MAP4K5: variants seen among roughly 807,000 people sequenced by gnomAD.
The protein encoded by MAP4K5 is mitogen-activated protein kinase kinase kinase kinase 5.
MAP4K5 carries 82 observed loss-of-function variants against 135.6 expected under a neutral mutation model. The ratio of observed to expected loss-of-function variants is 0.60; its 90% CI spans 0.51 to 0.73. MAP4K5 has a LOEUF of 0.73. Among genes scored for constraint, MAP4K5 ranks in the 30% least tolerant of loss-of-function variants. The pLI is 0.00. For synonymous variants in MAP4K5, 347 were observed against 335.0 expected (o/e 1.04, Z -0.39); for missense variants, 907 against 1,010.9 (o/e 0.90, Z 1.39).
chr14:50,437,634 A>T (rs1350093207), intron 25 of MAP4K5, 100 bp from the exon 26 acceptor site: 4 of 830,300 alleles, frequency 4.8e-6, no homozygotes, highest in Non-Finnish European at 7.5e-6. Flanking sequence ...GGAGCTTAAA[A>T]AACTGTCTTG....
chr14:50,441,176 T>C (rs1192089588), intron 21 of MAP4K5, among the ~76,000 whole-genome samples: 1 of 152,194 alleles, frequency 6.6e-6, no homozygotes, highest in African/African-American at 2.4e-5. Flanking sequence ...AGATTGTCAA[T>C]GGATGCTAAA....
intron 1 of MAP4K5, among the ~76,000 whole-genome samples, chr14:50,556,186 A>G (rs1471241419): frequency 6.6e-6 from 1 of 152,188 alleles, no homozygotes; most frequent in Non-Finnish European, 1.5e-5. Context: ...TTCACATACC[A>G]TAAAATTCAC....
intron 13 of MAP4K5, among the ~76,000 whole-genome samples, chr14:50,457,399 A>G (rs2036615282): frequency 6.6e-6 from 1 of 152,202 alleles, no homozygotes; most frequent in Non-Finnish European, 1.5e-5. Flanking sequence ...AAGCCAAGTG[A>G]GAAGCATAAT....
rs779699402 is a variant in MAP4K5 at position 50,462,798 on chromosome 14, T to G, written c.820-17A>C. On this transcript the variant is annotated splice_polypyrimidine_tract_variant and intron_variant, in intron 12 of 32. Transcript: ENST00000682126. Reference sequence around the variant, plus strand: ...AAAAGTGTGCTAAAAGACAACAAAATGAAATTTCATGAGTATGCCTTTACA... The same window carrying G: ...AAAAGTGTGCTAAAAGACAACAAAAGGAAATTTCATGAGTATGCCTTTACA... 5.7e-6 allele frequency: 8 copies of G among 1,410,278 alleles called. No individual in the cohort carries two copies. The highest frequency in any genetic ancestry group is 1.7e-5 in the Admixed American group (1 of 58,750). The allele number at this position is 1,410,278 out of a possible 1,614,324, so 87.4% of individuals were successfully genotyped here.
At chr14:50,560,443 G>C in intron 1 of MAP4K5, 1 of 1,140,248 alleles carries the variant, frequency 8.8e-7, no homozygotes, top group Non-Finnish European at 1.3e-6. Context: ...GCCGCTCCCT[G>C]TTTGGGCGGA....
chr14:50,527,367 A>G (rs539431984), intron 2 of MAP4K5, among the ~76,000 whole-genome samples: 8 of 151,578 alleles, frequency 5.3e-5, no homozygotes, highest in Admixed American at 4.6e-4. Context: ...GTATGATTAC[A>G]CCACTGCACT....
intron 26 of MAP4K5, 66 bp downstream of exon 26, chr14:50,437,410 T>C: frequency 8.0e-7 from 1 of 1,253,420 alleles, no homozygotes; most frequent in Admixed American, 2.3e-5. Context: ...TCCATACGAC[T>C]CTTCAGATAA....
upstream of MAP4K5, among the ~76,000 whole-genome samples, chr14:50,533,541 G>C (rs2038450595): frequency 6.6e-6 from 1 of 152,136 alleles, no homozygotes; most frequent in African/African-American, 2.4e-5. Context: ...TGCAGTTTCA[G>C]TTCCAGTCTT....
At chr14:50,475,237 T>C in intron 8 of MAP4K5, 88 bp from the exon 9 acceptor site, 2 of 902,218 alleles carry the variant, frequency 2.2e-6, no homozygotes, top group Non-Finnish European at 1.8e-6. Flanking sequence ...GCAGTATTAA[T>C]AATTCAAATA....
intron 26 of MAP4K5, 112 bp from the exon 27 acceptor site, chr14:50,435,177 G>T (rs2036062717): frequency 5.9e-6 from 3 of 508,470 alleles, no homozygotes; most frequent in East Asian, 3.0e-5. Context: ...AAAAGACTGT[G>T]TCTTTTCTTT....
intron 15 of MAP4K5, among the ~76,000 whole-genome samples, chr14:50,448,349 A>G (rs2036405322): frequency 6.6e-6 from 1 of 152,166 alleles, no homozygotes; most frequent in Non-Finnish European, 1.5e-5. Context: ...AGAGGTAACT[A>G]GATAGTAAAT....
intron 32 of MAP4K5, among the ~76,000 whole-genome samples, chr14:50,422,662 T>G (rs2035760235): frequency 6.6e-6 from 1 of 152,182 alleles, no homozygotes; most frequent in South Asian, 2.1e-4. Context: ...GATGACAGTT[T>G]TGCAACTTGT....
At position 50,489,656 on chromosome 14, in the gene MAP4K5, T is replaced by C. The variant is rs557790027; in HGVS notation, c.167-3462A>G. 2.3e-4 allele frequency among the ~76,000 whole-genome samples: 35 copies of C among 152,328 alleles called. 1 individual carries two copies. In the South Asian group the frequency reaches 6.8e-3, roughly 30 times the overall value. ...TCCTAACAAAATCTACCTCCATCCA[T>C]GGCACTGTTTGTGTCATGTGACCTT... On this transcript the variant is annotated intron_variant, in intron 3 of 32. Transcript: ENST00000682126.
intron 11 of MAP4K5, among the ~76,000 whole-genome samples, chr14:50,464,547 G>C (rs72677884): frequency 6.6e-6 from 1 of 152,216 alleles, no homozygotes; most frequent in Non-Finnish European, 1.5e-5. Context: ...ATCCCAAAGA[G>C]GCTGATGAAT....
intron 1 of MAP4K5, among the ~76,000 whole-genome samples, chr14:50,555,526 T>C (rs946309297): frequency 6.6e-6 from 1 of 152,164 alleles, no homozygotes; most frequent in Admixed American, 6.5e-5. Context: ...TCAGGCAATC[T>C]GCCCGCCTTG....
chr14:50,532,626 G>C (rs1365230057), upstream of MAP4K5: 2 of 152,748 alleles, frequency 1.3e-5, no homozygotes, highest in African/African-American at 4.8e-5. Flanking sequence ...GCGTCACCGG[G>C]AGACACGTTC....
At chr14:50,433,910 ATTT>A (rs1473120968) in intron 28 of MAP4K5, among the ~76,000 whole-genome samples, 3 of 152,136 alleles carry the variant, frequency 2.0e-5, no homozygotes, top group African/African-American at 7.2e-5. Flanking sequence ...TAAACTTCCC[ATTT>A]TTTTCAGATC....
Position 50,461,166 on chromosome 14 carries a change from C to T in MAP4K5, c.936+1499G>A, listed in dbSNP as rs544472483. On this transcript the variant is annotated intron_variant, in intron 13 of 32. Transcript: ENST00000682126. ...TCAGCCTCCCAAGTAGCTGGGACTACAGGCGCCTGCCATCACATCCAGCTA... is the reference window on the plus strand; with the variant it reads ...TCAGCCTCCCAAGTAGCTGGGACTATAGGCGCCTGCCATCACATCCAGCTA... Among the ~76,000 whole-genome samples the T allele has an allele frequency of 3.3e-5, 5 of 152,144 alleles. No homozygotes were observed. The South Asian group carries it at 1.0e-3, about 32-fold the overall frequency.
intron 1 of MAP4K5, among the ~76,000 whole-genome samples, chr14:50,553,753 A>G (rs2038732472): frequency 6.6e-6 from 1 of 152,224 alleles, no homozygotes; most frequent in African/African-American, 2.4e-5. Context: ...TATATACACC[A>G]TGGAATATTA....
Sources: gnomAD v4.1 joint callset for allele counts (sites outside exome capture counted in the v4.1 genomes callset) on GRCh38, gnomAD v4.1.1 for gene constraint, MANE v1.5 for transcripts, NCBI Gene and HGNC (gene_info 2026-07-23, HGNC 2026-07-21) for gene names.